Variants in TDP2 observed in about 807,000 individuals in gnomAD.
TDP2 encodes 5'-Tyr-DNA phosphodiesterase.
In TDP2, 38 loss-of-function variants were observed where a neutral mutation model predicts 42.8. The ratio of observed to expected loss-of-function variants is 0.89; its 90% CI spans 0.68 to 1.16. The LOEUF (loss-of-function observed/expected upper bound fraction) is 1.16. Ranked by LOEUF, TDP2 falls within the 50% of genes most tolerant of loss-of-function variation. The probability of loss-of-function intolerance (pLI) is 0.00; values close to 1 mark genes in which losing one functional copy is unlikely to be tolerated. For missense variants in TDP2, 439 were observed against 439.3 expected (o/e 1.00, Z 0.01); for synonymous variants, 173 against 150.6 (o/e 1.15, Z -1.09).
At chr6:24,666,330 G>C (rs1233114878) in intron 2 of TDP2, 196 bp downstream of exon 2, 2 of 1,515,806 alleles carry the variant, frequency 1.3e-6, no homozygotes, top group Middle Eastern at 4.1e-4. Flanking sequence ...CGACAGTCTG[G>C]TGCAGTGTTA....
At chr6:24,666,645 G>A (rs1483120695) in intron 1 of TDP2, 34 bp from the exon 2 acceptor site, 1 of 1,614,090 alleles carries the variant, frequency 6.2e-7, no homozygotes, top group East Asian at 2.2e-5. Context: ...TGAGGTTTGT[G>A]CGCTCCACCG....
chr6:24,655,002 C>T (rs1778041267), intron 4 of TDP2, among the ~76,000 whole-genome samples: 1 of 152,070 alleles, frequency 6.6e-6, no homozygotes, highest in African/African-American at 2.4e-5. Context: ...CGTGCCATCG[C>T]ACTCTAGCTT....
intron 2 of TDP2, among the ~76,000 whole-genome samples, chr6:24,662,123 A>G (rs1165547012): frequency 6.6e-6 from 1 of 152,072 alleles, no homozygotes; most frequent in Non-Finnish European, 1.5e-5. Flanking sequence ...GGCCACATGG[A>G]CCTCTGCCCA....
chr6:24,654,320 C>CCG (rs1259039806), intron 5 of TDP2, 92 bp downstream of exon 5: 2 of 617,886 alleles, frequency 3.2e-6, no homozygotes, highest in African/African-American at 1.9e-5. Flanking sequence ...GCAAATTTTT[C>CCG]TCTAAAGGCA....
chr6:24,656,155 A>G (rs9467250), intron 4 of TDP2, among the ~76,000 whole-genome samples: 6,204 of 152,276 alleles, frequency 0.041, 349 homozygotes, highest in African/African-American at 0.12. Context: ...AACAAAAAAG[A>G]TACTGTATCC....
chr6:24,658,710 T>C lies in TDP2; in HGVS notation c.276A>G (p.Thr92=), dbSNP rs949687762. ...KTYVDLTNEE[T]TDSTTSKISP... is the part of the protein sequence containing the mutation. ...TGATTTTAGAAGTGGTGGAATCAGT[T>C]GTTTCTTCATTGGTTAGGTCAACAC... is the stretch of plus-strand genomic sequence containing the variant. The change falls in exon 3 of 7, where the codon ACA becomes ACG. Residue 92 remains threonine, a synonymous_variant. Transcript: ENST00000378198. 30 of 1,613,712 alleles carry C rather than the reference T, an allele frequency of 1.9e-5. No individual in the cohort carries two copies. Among genetic ancestry groups the C allele is most frequent in the Non-Finnish European group, 2.3e-5 (27 of 1,179,802 alleles).
Position 24,650,639 on chromosome 6 carries a change from T to G in TDP2, c.*149A>C. 1.3e-6 allele frequency: 1 copy of G among 754,408 alleles called. No individual in the cohort carries two copies. The highest frequency in any genetic ancestry group is 1.9e-5 in the South Asian group (1 of 52,616). 46.7% of individuals were successfully genotyped at this position (754,408 alleles called of 1,614,324 possible). On this transcript the variant is annotated 3_prime_UTR_variant, in exon 7 of 7. Transcript: ENST00000378198. ...TTTAAATAAACATTAATCTTTAATG[T>G]TGAATTCTGAAAACACAACCATAAA...
Position 24,666,742 on chromosome 6 carries a change from C to A in TDP2, c.121G>T (p.Ala41Ser). The change falls in exon 1 of 7, where the codon GCA becomes TCA. Residue 41 changes from alanine to serine, a missense_variant. Transcript: ENST00000378198. ...EFASVASCDAAVAQCFLAEND... is the reference protein window; with the variant it reads ...EFASVASCDASVAQCFLAEND... ...TCGGCCAGGAAGCACTGAGCCACTGCGGCATCGCAGCTTGCGACCGAGGCA... is the reference window on the plus strand; with the variant it reads ...TCGGCCAGGAAGCACTGAGCCACTGAGGCATCGCAGCTTGCGACCGAGGCA... The A allele has an allele frequency of 6.2e-7, 1 of 1,614,256 alleles. No homozygotes were observed. Among genetic ancestry groups the A allele is most frequent in the South Asian group, 1.1e-5 (1 of 91,092 alleles).
chr6:24,653,150 T>C lies in TDP2; in HGVS notation c.640A>G (p.Asn214Asp). 6.2e-7 allele frequency: 1 copy of C among 1,613,986 alleles called. No homozygotes were observed. Among genetic ancestry groups the C allele is most frequent in the Non-Finnish European group, 8.5e-7 (1 of 1,179,918 alleles). Residue 214 changes from asparagine (N) to aspartate (D), a missense_variant, in exon 6 of 7, where the codon AAC becomes GAC. Coordinates refer to ENST00000378198, the MANE Select transcript of TDP2 (RefSeq NM_016614.3). ...AGGCAAAGCTCATTTCCTGACACGT[T>C]CACCTGCAGCAGGACAAACAGTCAT... ...MMRNLLCVHVNVSGNELCLMT... is the reference protein window; with the variant it reads ...MMRNLLCVHVDVSGNELCLMT...
At chr6:24,666,420 C>A in intron 2 of TDP2, 106 bp downstream of exon 2, 1 of 1,450,840 alleles carries the variant, frequency 6.9e-7, no homozygotes, top group Non-Finnish European at 9.6e-7. Flanking sequence ...TGGAGATCTG[C>A]CTCAGCATCG....
chr6:24,654,755 A>G lies in TDP2; in HGVS notation c.518-225T>C, dbSNP rs537263499. Among the ~76,000 whole-genome samples, 13 of 152,316 alleles carry G rather than the reference A, an allele frequency of 8.5e-5. No homozygotes were observed. The South Asian group carries it at 2.5e-3, about 29-fold the overall frequency. ...CTTAGAAGAAATAAAATAAAATAAAAAAAGACCAGGCACAGTGGCTCATGC... is the reference window on the plus strand; with the variant it reads ...CTTAGAAGAAATAAAATAAAATAAAGAAAGACCAGGCACAGTGGCTCATGC... On this transcript the variant is annotated intron_variant, in intron 4 of 6. Transcript: ENST00000378198.
chr6:24,664,598 C>G (rs973089970), intron 2 of TDP2, among the ~76,000 whole-genome samples: 1 of 152,168 alleles, frequency 6.6e-6, no homozygotes, highest in African/African-American at 2.4e-5. Context: ...CTGCGCCATT[C>G]ATTTAAGACA....
rs931464702 is a variant in TDP2, at chr6:24,649,992, C to G, written c.*796G>C. 1.5e-4 allele frequency: 23 copies of G among 152,024 alleles called. No individual in the cohort carries two copies. Among genetic ancestry groups the G allele is most frequent in the African/African-American group, 5.6e-4 (23 of 41,392 alleles). The allele number at this position is 152,024 out of a possible 1,614,324, so 9.4% of individuals were successfully genotyped here. ...AAACAAACCATAAACAAATAAAATT[C>G]TTTATTTAAATTTCTCTTGTGGGGA... On this transcript the variant is annotated 3_prime_UTR_variant, in exon 7 of 7. Transcript: ENST00000378198.
chr6:24,651,942 G>A (rs1777982646), intron 6 of TDP2, among the ~76,000 whole-genome samples: 1 of 152,058 alleles, frequency 6.6e-6, no homozygotes, highest in African/African-American at 2.4e-5. Flanking sequence ...TCACATAGTT[G>A]TGCAACCATG....
intron 2 of TDP2, among the ~76,000 whole-genome samples, chr6:24,663,062 T>C (rs1305028212): frequency 6.6e-6 from 1 of 152,168 alleles, no homozygotes; most frequent in African/African-American, 2.4e-5. Flanking sequence ...CTCATAAAAC[T>C]GTAAACACAA....
rs1777960537 is a variant in TDP2 at position 24,650,801 on chromosome 6, T to C, written c.1076A>G (p.Asp359Gly). The part of the protein sequence containing the change: ...SDHWGLLCNL[D>G]IIL ...TTGAAAAGCATTTTACAATATTATA[T>C]CTAAGTTGCACAGAAGACCCCAGTG... is the stretch of plus-strand genomic sequence containing the variant. Residue 359 changes from aspartate to glycine, a missense_variant, in exon 7 of 7, where the codon GAT becomes GGT. Asp to Gly is a moderately conservative substitution (Grantham distance 94). Coordinates refer to ENST00000378198, the MANE Select transcript of TDP2 (RefSeq NM_016614.3). 2 of 1,613,774 alleles carry C rather than the reference T, an allele frequency of 1.2e-6. No homozygotes were observed. Among genetic ancestry groups the C allele is most frequent in the African/African-American group, 1.3e-5 (1 of 74,982 alleles).
chr6:24,666,117 A>C (rs1582427412), intron 2 of TDP2: 1 of 1,548,184 alleles, frequency 6.5e-7, no homozygotes, highest in African/African-American at 1.4e-5. Flanking sequence ...ACAACAACAA[A>C]CCTGTTATTC....
chr6:24,657,031 T>C (rs1367702753), intron 4 of TDP2, among the ~76,000 whole-genome samples: 2 of 152,170 alleles, frequency 1.3e-5, no homozygotes, highest in African/African-American at 4.8e-5. Context: ...AAACTAAAAA[T>C]CACATACTAT....
intron 2 of TDP2, among the ~76,000 whole-genome samples, chr6:24,662,937 A>AT (rs1435717796): frequency 6.6e-6 from 1 of 152,216 alleles, no homozygotes; most frequent in African/African-American, 2.4e-5. Context: ...TGAATTTAAA[A>AT]ATATATATAC....
Sources: gnomAD v4.1 joint callset for allele counts (sites outside exome capture counted in the v4.1 genomes callset) on GRCh38, gnomAD v4.1.1 for gene constraint, MANE v1.5 for transcripts, NCBI Gene and HGNC (gene_info 2026-07-23, HGNC 2026-07-21) for gene names.